Variants in ERC2 observed in about 807,000 individuals in gnomAD.
ERC2 encodes ELKS/RAB6-interacting/CAST family member 2.
A neutral mutation model predicts 114.8 loss-of-function variants in ERC2; 42 were observed. The ratio of observed to expected loss-of-function variants is 0.37; its 90% CI spans 0.29 to 0.47. ERC2 has a LOEUF of 0.47. Ranked by LOEUF, ERC2 falls within the 20% of genes least tolerant of loss-of-function variation. ERC2 has a pLI of 0.99. For missense variants in ERC2, 939 were observed against 1,150.7 expected, an observed-to-expected ratio of 0.82 and a Z score of 2.66; for synonymous variants, 454 against 425.5, an observed-to-expected ratio of 1.07 and a Z score of -0.82.
intron 2 of ERC2, among the ~76,000 whole-genome samples, chr3:56,389,276 G>A (rs1003238834): frequency 6.6e-6 from 1 of 152,146 alleles, no homozygotes; most frequent in Non-Finnish European, 1.5e-5. Context: ...ACCAGACCTT[G>A]AGGCATGAGT....
chr3:56,269,786 A>C (rs2053542714), intron 3 of ERC2, among the ~76,000 whole-genome samples: 3 of 152,190 alleles, frequency 2.0e-5, no homozygotes, highest in Admixed American at 2.0e-4. Context: ...TGTGTTAAGA[A>C]AGCCAGGAAA....
intron 17 of ERC2, among the ~76,000 whole-genome samples, chr3:55,546,633 C>G (rs535299411): frequency 6.6e-6 from 1 of 152,348 alleles, no homozygotes; most frequent in Admixed American, 6.5e-5. Context: ...TTCACCATCA[C>G]AGTGACACCA....
At chr3:56,456,465 G>A (rs2063066236) in intron 1 of ERC2, among the ~76,000 whole-genome samples, 1 of 152,170 alleles carries the variant, frequency 6.6e-6, no homozygotes, top group Non-Finnish European at 1.5e-5. Flanking sequence ...GTTAAAAAGG[G>A]AAGCTCTGTT....
intron 3 of ERC2, among the ~76,000 whole-genome samples, chr3:56,241,766 C>T (rs2051337787): frequency 6.6e-6 from 1 of 152,168 alleles, no homozygotes; most frequent in Non-Finnish European, 1.5e-5. Flanking sequence ...CACACTCTAA[C>T]ACTAGTTTTA....
intron 15 of ERC2, among the ~76,000 whole-genome samples, chr3:55,731,446 A>T (rs2065247647): frequency 6.6e-6 from 1 of 152,236 alleles, no homozygotes; most frequent in African/African-American, 2.4e-5. Flanking sequence ...TGTGCCAGGC[A>T]TATGCAAAGC....
intron 14 of ERC2, among the ~76,000 whole-genome samples, chr3:55,811,830 G>A (rs189303882): frequency 1.8e-4 from 28 of 152,116 alleles, no homozygotes; most frequent in African/African-American, 6.5e-4. Flanking sequence ...CCTCACAATT[G>A]CCTATTTGTC....
chr3:55,541,565 G>A (rs2054396770), intron 17 of ERC2, among the ~76,000 whole-genome samples: 1 of 152,182 alleles, frequency 6.6e-6, no homozygotes, highest in Non-Finnish European at 1.5e-5. Flanking sequence ...TTGTGCATCT[G>A]ACTATCTCTG....
rs73089162 is a variant in ERC2 at position 56,009,528 on chromosome 3, G to A, written c.1920+921C>T. 3.2e-3 allele frequency among the ~76,000 whole-genome samples: 482 copies of A among 152,226 alleles called. 1 individual carries two copies. The highest frequency in any genetic ancestry group is 6.8e-3 in the Middle Eastern group (2 of 294). On this transcript the variant is annotated intron_variant, in intron 9 of 17. Transcript: ENST00000288221. ...TACCACACGAGTGAGGAAATACTGCGGAGCTAGGAGATAGATAACTGTGCT... is the reference window on the plus strand; with the variant it reads ...TACCACACGAGTGAGGAAATACTGCAGAGCTAGGAGATAGATAACTGTGCT...
intron 2 of ERC2, among the ~76,000 whole-genome samples, chr3:56,392,629 A>G (rs1026240342): frequency 6.6e-6 from 1 of 152,208 alleles, no homozygotes; most frequent in Admixed American, 6.5e-5. Flanking sequence ...AAATTCTCAG[A>G]TTGGGGAAAA....
At chr3:56,253,521 T>C (rs945635848) in intron 3 of ERC2, among the ~76,000 whole-genome samples, 1 of 152,256 alleles carries the variant, frequency 6.6e-6, no homozygotes, top group Non-Finnish European at 1.5e-5. Flanking sequence ...GACTCATTTA[T>C]GTTGACAAGC....
intron 14 of ERC2, among the ~76,000 whole-genome samples, chr3:55,869,935 G>A (rs576717937): frequency 2.0e-5 from 3 of 152,294 alleles, no homozygotes; most frequent in Admixed American, 2.0e-4. Context: ...AGAGTGTATT[G>A]ACAAGAGGAG....
chr3:55,969,381 T>C (rs1026763743), intron 12 of ERC2, among the ~76,000 whole-genome samples: 1 of 135,116 alleles, frequency 7.4e-6, no homozygotes, highest in African/African-American at 2.7e-5. Flanking sequence ...TGGTCAGGAA[T>C]TTTATACACA....
At chr3:55,617,089 C>T (rs1202508421) in intron 17 of ERC2, among the ~76,000 whole-genome samples, 1 of 152,148 alleles carries the variant, frequency 6.6e-6, no homozygotes, top group Non-Finnish European at 1.5e-5. Context: ...ACAAATTTTG[C>T]CCAAGATCAG....
intron 2 of ERC2, among the ~76,000 whole-genome samples, chr3:56,432,276 A>G (rs1014212492): frequency 6.6e-6 from 1 of 152,210 alleles, no homozygotes; most frequent in Middle Eastern, 3.2e-3. Flanking sequence ...GAAGCATGAG[A>G]TAAGTCACTT....
At chr3:55,561,593 G>T (rs2056023027) in intron 17 of ERC2, among the ~76,000 whole-genome samples, 1 of 152,152 alleles carries the variant, frequency 6.6e-6, no homozygotes, top group African/African-American at 2.4e-5. Flanking sequence ...CCCTAATTTT[G>T]ATGGGGAATG....
rs888774877 is a variant in ERC2 at position 55,704,602 on chromosome 3, G to T, written c.2713-5090C>A. On this transcript the variant is annotated intron_variant, in intron 15 of 17. Transcript: ENST00000288221. ...AAGATGAGCAAACCAGACAAGAATG[G>T]GATGGCTAGGAGAGGAGAGATTTCC... Among the ~76,000 whole-genome samples the T allele has an allele frequency of 6.4e-4, 97 of 152,160 alleles. 1 individual carries two copies. Among genetic ancestry groups the T allele is most frequent in the African/African-American group, 2.2e-3 (91 of 41,436 alleles).
At chr3:55,768,101 TCTA>T (rs2067944086) in intron 14 of ERC2, among the ~76,000 whole-genome samples, 1 of 152,230 alleles carries the variant, frequency 6.6e-6, no homozygotes, top group South Asian at 2.1e-4. Context: ...CCCTTCACCT[TCTA>T]CTATGATTGT....
At chr3:55,872,171 G>A (rs947591925) in intron 14 of ERC2, among the ~76,000 whole-genome samples, 1 of 152,084 alleles carries the variant, frequency 6.6e-6, no homozygotes, top group Admixed American at 6.5e-5. Context: ...CAAGCCCATT[G>A]GCCCAACAGG....
At chr3:55,783,315 C>G (rs2069212389) in intron 14 of ERC2, among the ~76,000 whole-genome samples, 1 of 152,146 alleles carries the variant, frequency 6.6e-6, no homozygotes, top group South Asian at 2.1e-4. Context: ...CTCAGTTTCT[C>G]CATTAATAAA....
Sources: gnomAD v4.1 joint callset for allele counts (sites outside exome capture counted in the v4.1 genomes callset) on GRCh38, gnomAD v4.1.1 for gene constraint, MANE v1.5 for transcripts, NCBI Gene and HGNC (gene_info 2026-07-23, HGNC 2026-07-21) for gene names.